Variants in ZNF862 observed in about 807,000 individuals in gnomAD.
ZNF862 encodes the protein zinc finger protein 862.
In ZNF862, 64 loss-of-function variants were observed where a neutral mutation model predicts 91.1. The observed-to-expected ratio is 0.70, with a 90% CI of 0.57 to 0.87. ZNF862 has a LOEUF of 0.87. ZNF862 is among the 40% of genes least tolerant of loss of function. The probability of loss-of-function intolerance (pLI) is 0.00; values close to 1 mark genes in which losing one functional copy is unlikely to be tolerated. For synonymous variants in ZNF862, 631 were observed against 618.1 expected (o/e 1.02, Z -0.31); for missense variants, 1,459 against 1,528.0 (o/e 0.95, Z 0.75).
Position 149,861,767 on chromosome 7 carries a change from C to T in ZNF862, c.2607C>T (p.Asn869=), listed in dbSNP as rs758455332. 8.7e-6 allele frequency: 14 copies of T among 1,613,496 alleles called. No individual in the cohort carries two copies. Among genetic ancestry groups the T allele is most frequent in the East Asian group, 4.5e-5 (2 of 44,882 alleles). ...AGATCGTGCTGATTACAGAGGTGAA[C>T]GCCACGCTGGGCCGCGCCTACGTGG... The part of the protein sequence containing the change: ...QKEIVLITEV[N]ATLGRAYVAL... The change falls in exon 7 of 8, where the codon AAC becomes AAT. Residue 869 remains asparagine (N), a synonymous_variant. Coordinates refer to ENST00000223210, the MANE Select transcript of ZNF862 (RefSeq NM_001099220.3). This position sits in a 1 kb window ranked among gnomAD's most constrained non-coding sequence, Gnocchi z 6.7.
In ZNF862 at chr7:149,861,245, G is replaced by A; in HGVS notation, c.2085G>A (p.Gly695=). 1.2e-6 allele frequency: 2 copies of A among 1,612,108 alleles called. No individual in the cohort carries two copies. The highest frequency in any genetic ancestry group is 3.3e-5 in the Admixed American group (2 of 59,840). The part of the protein sequence containing the change: ...FRKPGWVVGL[G]TDGSAMLSCR... ...AGCCTGGCTGGGTGGTGGGGCTGGGGACGGATGGCTCAGCCATGTTGAGCT... is the reference window on the plus strand; with the variant it reads ...AGCCTGGCTGGGTGGTGGGGCTGGGAACGGATGGCTCAGCCATGTTGAGCT... The change falls in exon 7 of 8, where the codon GGG becomes GGA. Residue 695 remains glycine, a synonymous_variant. Transcript: ENST00000223210. The surrounding 1 kb of genome is among the most constrained non-coding windows in gnomAD (Gnocchi z 6.7).
rs1802448490 is a variant in ZNF862 at position 149,860,812 on chromosome 7, TC to T, written c.1653del (p.Met552TrpfsTer21). 1 of 1,613,690 alleles carries T rather than the reference TC, an allele frequency of 6.2e-7. No homozygotes were observed. Among genetic ancestry groups the T allele is most frequent in the Non-Finnish European group, 8.5e-7 (1 of 1,179,894 alleles). On this transcript the variant is annotated frameshift_variant, in exon 7 of 8. Coordinates refer to ENST00000223210, the MANE Select transcript of ZNF862 (RefSeq NM_001099220.3). LOFTEE classifies it high-confidence loss of function. The stretch of plus-strand genomic sequence containing the variant: ...CTCGTTCCAGAGATCTCCAGCGACC[TC>T]ATGGCCAACATGGAGCACTTTTTCA... ...TALVPEISSDLMANMEHFFNA... is the reference protein window; with the variant it reads ...TALVPEISSDXMANMEHFFNA...
Position 149,859,942 on chromosome 7 carries a change from A to G in ZNF862, c.1222+416A>G, listed in dbSNP as rs1586067449. ...CTCAATCAGTAATTTCTTGGCTTGT[A>G]GTTGCTACACTTACTTCTGTACCTA... On this transcript the variant is annotated intron_variant, in intron 6 of 7. Transcript: ENST00000223210. The G allele has an allele frequency of 1.2e-5, 3 of 244,716 alleles. No homozygotes were observed. The East Asian group carries it at 2.8e-4, about 22-fold the overall frequency. The allele number at this position is 244,716 out of a possible 1,614,324, so 15.2% of individuals were successfully genotyped here.
chr7:149,861,202 T>G lies in ZNF862; in HGVS notation c.2042T>G (p.Leu681Arg), dbSNP rs1479137103. The G allele has an allele frequency of 5.6e-6, 9 of 1,612,670 alleles. No homozygotes were observed. The highest frequency in any genetic ancestry group is 7.6e-6 in the Non-Finnish European group (9 of 1,179,676). ...FETIVSALDE[L>R]DIPFRKPGWV... ...ACCATCGTTTCTGCCCTGGATGAGC[T>G]GGACATCCCCTTCCGGAAGCCTGGC... Residue 681 changes from leucine to arginine, a missense_variant, in exon 7 of 8, where the codon CTG becomes CGG. Leu to Arg is a moderately radical substitution (Grantham distance 102). Transcript: ENST00000223210. This position sits in a 1 kb window ranked among gnomAD's most constrained non-coding sequence, Gnocchi z 6.7.
At position 149,838,669 on chromosome 7, in the gene ZNF862, C is replaced by T. The variant is rs1801602097; in HGVS notation, c.24+34C>T. ...GGAAGGCCCGGGGGCCGCCCGCTCC[C>T]TCCCGAGGATCCCCGAGCCGGGCTC... On this transcript the variant is annotated intron_variant, in intron 1 of 7. Transcript: ENST00000223210. The T allele has an allele frequency of 5.8e-6, 7 of 1,206,738 alleles. 1 individual carries two copies. The South Asian group carries it at 2.5e-4, about 44-fold the overall frequency. 74.8% of individuals were successfully genotyped at this position (1,206,738 alleles called of 1,614,324 possible). A position where few individuals can be genotyped will look rare whatever the true frequency, so the allele number is the denominator to read the frequency against.
At chr7:149,859,327 A>C (rs1802371025) in intron 5 of ZNF862, 95 bp from the exon 6 acceptor site, 1 of 1,107,594 alleles carries the variant, frequency 9.0e-7, no homozygotes, top group South Asian at 1.3e-5. Context: ...ACCCAGAGAC[A>C]CCTCTGTGTA....
At chr7:149,843,612 C>A (rs1353246436) in intron 1 of ZNF862, among the ~76,000 whole-genome samples, 1 of 152,144 alleles carries the variant, frequency 6.6e-6, no homozygotes, top group Non-Finnish European at 1.5e-5. Context: ...CCTGTTAGAT[C>A]CTTTCCCCGA....
In ZNF862 at chr7:149,864,576, G is replaced by C; in HGVS notation, c.*292G>C. The C allele has an allele frequency of 2.9e-6, 1 of 342,160 alleles. No individual in the cohort carries two copies. The highest frequency in any genetic ancestry group is 5.4e-6 in the Non-Finnish European group (1 of 185,068). 21.2% of individuals were successfully genotyped at this position (342,160 alleles called of 1,614,324 possible). On this transcript the variant is annotated 3_prime_UTR_variant, in exon 8 of 8. Coordinates refer to ENST00000223210, the MANE Select transcript of ZNF862 (RefSeq NM_001099220.3). ...AATAACCCCATCATGAAAGGTTTCA[G>C]CCCCTGAGTTTTGGTGGCAAGAGGA...
In ZNF862 at chr7:149,859,526, G is replaced by A; in HGVS notation, c.1222G>A (p.Gly408Arg). 2 of 1,565,562 alleles carry A rather than the reference G, an allele frequency of 1.3e-6. No individual in the cohort carries two copies. Among genetic ancestry groups the A allele is most frequent in the Non-Finnish European group, 1.7e-6 (2 of 1,154,448 alleles). The change falls in exon 6 of 8, where the codon GGG becomes AGG. Residue 408 changes from glycine to arginine, a missense_variant and splice_region_variant. Coordinates refer to ENST00000223210, the MANE Select transcript of ZNF862 (RefSeq NM_001099220.3). ...GPKWGKGRPP[G>R]NKKMVAVREA... ...AAAGTGGGGGAAAGGTCGTCCTCCA[G>A]GTGAGTGTAAACCTACAGCATTCTG...
rs567114567 is a variant in ZNF862, at chr7:149,861,412, G to A, written c.2252G>A (p.Arg751His). 5.6e-6 allele frequency: 9 copies of A among 1,613,214 alleles called. No individual in the cohort carries two copies. Among genetic ancestry groups the A allele is most frequent in the African/African-American group, 5.3e-5 (4 of 75,074 alleles). ...DLVKKCDRHI[R>H]TVFKFYQSSN... ...GTGAAGAAGTGTGACCGGCACATCC[G>A]CACCGTCTTCAAGTTTTATCAGTCC... is the stretch of plus-strand genomic sequence containing the variant. The change falls in exon 7 of 8, where the codon CGC becomes CAC. Residue 751 changes from arginine (R) to histidine (H), a missense_variant. Coordinates refer to ENST00000223210, the MANE Select transcript of ZNF862 (RefSeq NM_001099220.3). The surrounding 1 kb of genome is among the most constrained non-coding windows in gnomAD (Gnocchi z 6.7).
At position 149,861,730 on chromosome 7, in the gene ZNF862, T is replaced by C; in HGVS notation, c.2570T>C (p.Val857Ala). 1 of 1,613,512 alleles carries C rather than the reference T, an allele frequency of 6.2e-7. No homozygotes were observed. The highest frequency in any genetic ancestry group is 1.1e-5 in the South Asian group (1 of 91,054). ...AGCATCTACAGGCCTCTGTCCGAGGTGTGCCAGAAGGAGATCGTGCTGATT... is the reference window on the plus strand; with the variant it reads ...AGCATCTACAGGCCTCTGTCCGAGGCGTGCCAGAAGGAGATCGTGCTGATT... ...FLSIYRPLSEVCQKEIVLITE... is the reference protein window; with the variant it reads ...FLSIYRPLSEACQKEIVLITE... The change falls in exon 7 of 8, where the codon GTG becomes GCG. Residue 857 changes from valine (V) to alanine (A), a missense_variant. Val to Ala is a moderately conservative substitution (Grantham distance 64, BLOSUM62 0). Transcript: ENST00000223210. The surrounding 1 kb of genome is among the most constrained non-coding windows in gnomAD (Gnocchi z 6.7).
In ZNF862 at chr7:149,864,091, C is replaced by T; in HGVS notation, c.3335-18C>T. ...CACTGTCAGTCAGTCTAATTGTATT[C>T]TCCTTCCTCCCTCACAGGCGCCAGG... On this transcript the variant is annotated intron_variant, in intron 7 of 7. Transcript: ENST00000223210. The T allele has an allele frequency of 6.4e-7, 1 of 1,557,698 alleles. No homozygotes were observed. The highest frequency in any genetic ancestry group is 8.7e-7 in the Non-Finnish European group (1 of 1,151,252).
intron 5 of ZNF862, among the ~76,000 whole-genome samples, chr7:149,852,382 A>AGT: frequency 6.6e-6 from 1 of 150,680 alleles, no homozygotes; most frequent in Admixed American, 6.6e-5. Context: ...TGAGAGAGAG[A>AGT]GAGAGAGACA....
chr7:149,841,552 T>A (rs948490412), intron 1 of ZNF862: 1 of 985,250 alleles, frequency 1.0e-6, no homozygotes, highest in Non-Finnish European at 1.2e-6. Flanking sequence ...TTTAATAGGG[T>A]CTCAGGAAGG....
rs570277152 is a variant in ZNF862 at position 149,847,557 on chromosome 7, G to A, written c.242-178G>A. Among the ~76,000 whole-genome samples, 16 of 151,802 alleles carry A rather than the reference G, an allele frequency of 1.1e-4. 1 individual carries two copies. In the East Asian group the frequency reaches 3.1e-3, roughly 30 times the overall value. Reference sequence around the variant, plus strand: ...TTTATTCTGGATAGGTGAGGGAAGGGCCTGCAGACTTGGCCAGGACTAGAA... The same window carrying A: ...TTTATTCTGGATAGGTGAGGGAAGGACCTGCAGACTTGGCCAGGACTAGAA... On this transcript the variant is annotated intron_variant, in intron 3 of 7. Coordinates refer to ENST00000223210, the MANE Select transcript of ZNF862 (RefSeq NM_001099220.3).
Position 149,848,297 on chromosome 7 carries a change from TG to T in ZNF862, c.811del (p.Asp271MetfsTer9), listed in dbSNP as rs769847259. ...PSSRAELEDP[G>X]GDGAIPAMYL... Reference sequence around the variant, plus strand: ...GTTCAAGAGCTGAACTAGAGGACCCTGGGGGGGATGGAGCAATTCCTGCAAT... The same window carrying T: ...GTTCAAGAGCTGAACTAGAGGACCCTGGGGGGATGGAGCAATTCCTGCAAT... On this transcript the variant is annotated frameshift_variant, in exon 4 of 8. Transcript: ENST00000223210. LOFTEE classifies it high-confidence loss of function. 2 of 1,608,494 alleles carry T rather than the reference TG, an allele frequency of 1.2e-6. No homozygotes were observed. Among genetic ancestry groups the T allele is most frequent in the Non-Finnish European group, 8.5e-7 (1 of 1,177,264 alleles).
At position 149,860,696 on chromosome 7, in the gene ZNF862, A is replaced by AGTG; in HGVS notation, c.1538_1540dup (p.Val513dup). ...TCAGAGGTTACACGGGGCCTTTTAAAGTGGAGACTTTAAAATACCATGAAG... is the reference window on the plus strand; with the variant it reads ...TCAGAGGTTACACGGGGCCTTTTAAAGTGGTGGAGACTTTAAAATACCATGAAG... On this transcript the variant is annotated inframe_insertion, in exon 7 of 8. Transcript: ENST00000223210. The AGTG allele has an allele frequency of 6.2e-7, 1 of 1,614,002 alleles. No individual in the cohort carries two copies. The highest frequency in any genetic ancestry group is 8.5e-7 in the Non-Finnish European group (1 of 1,179,902).
At chr7:149,851,384 A>G (rs1308836376) in intron 5 of ZNF862, among the ~76,000 whole-genome samples, 1 of 152,218 alleles carries the variant, frequency 6.6e-6, no homozygotes, top group Non-Finnish European at 1.5e-5. Flanking sequence ...AACATTCAGA[A>G]GTGACTAAAA....
At chr7:149,841,001 T>G (rs1801684067) in intron 1 of ZNF862, 1 of 985,324 alleles carries the variant, frequency 1.0e-6, no homozygotes, top group Admixed American at 6.1e-5. Flanking sequence ...ACTGGAAATT[T>G]CACCCTTGAT....
Sources: gnomAD v4.1 joint callset for allele counts (sites outside exome capture counted in the v4.1 genomes callset) on GRCh38, gnomAD v4.1.1 for gene constraint, Gnocchi (gnomAD v3.1) non-coding constraint, MANE v1.5 for transcripts, NCBI Gene and HGNC (gene_info 2026-07-23, HGNC 2026-07-21) for gene names.